The following RGS7 variants were observed in gnomAD, a reference collection of about 807,000 sequenced individuals.
RGS7 encodes the protein regulator of G-protein signaling 7.
In RGS7, 27 loss-of-function variants were observed where a neutral mutation model predicts 81.1. The observed-to-expected ratio is 0.33, with a 90% CI of 0.25 to 0.46. RGS7 has a LOEUF of 0.46. Among genes scored for constraint, RGS7 ranks in the 20% least tolerant of loss-of-function variants. The pLI is 1.00. For synonymous variants in RGS7, 208 were observed against 207.7 expected, an observed-to-expected ratio of 1.00 and a Z score of -0.01; for missense variants, 396 against 607.4, an observed-to-expected ratio of 0.65 and a Z score of 3.66.
At chr1:240,789,805 C>T (rs1454825580) in intron 18 of RGS7, among the ~76,000 whole-genome samples, 1 of 152,180 alleles carries the variant, frequency 6.6e-6, no homozygotes, top group Non-Finnish European at 1.5e-5. Flanking sequence ...CCTGTGATCT[C>T]GCCCTGCCTC....
chr1:240,833,387 AC>A (rs1265533850), intron 9 of RGS7, among the ~76,000 whole-genome samples: 1 of 152,184 alleles, frequency 6.6e-6, no homozygotes, highest in Non-Finnish European at 1.5e-5. Context: ...ATATTTTTGG[AC>A]TGCAGTTGAC....
At chr1:240,889,958 C>T (rs1668016455) in intron 6 of RGS7, among the ~76,000 whole-genome samples, 1 of 152,154 alleles carries the variant, frequency 6.6e-6, no homozygotes. Context: ...ATTTGTCTGA[C>T]CCGTGTACAA....
chr1:240,920,956 T>C (rs1054247551), intron 6 of RGS7, among the ~76,000 whole-genome samples: 1 of 151,826 alleles, frequency 6.6e-6, no homozygotes, highest in Non-Finnish European at 1.5e-5. Context: ...CTTTTTTTTT[T>C]AATGTACTGT....
At chr1:241,041,629 C>T (rs1193308784) in intron 3 of RGS7, among the ~76,000 whole-genome samples, 1 of 152,174 alleles carries the variant, frequency 6.6e-6, no homozygotes, top group African/African-American at 2.4e-5. Flanking sequence ...CCAATCTTCC[C>T]ATGCAGATGT....
rs116244297 is a variant in RGS7, at chr1:241,263,508, C to T, written c.78+92191G>A. Among the ~76,000 whole-genome samples the T allele has an allele frequency of 4.0e-3, 607 of 152,190 alleles. 8 individuals carry two copies. Among genetic ancestry groups the T allele is most frequent in the African/African-American group, 0.014 (579 of 41,510 alleles). ...CTGGAGCTTCTCTGGCTTATTTTGG[C>T]AACAGGTGGACCTGTGTGGAAACCA... On this transcript the variant is annotated intron_variant, in intron 2 of 18. Transcript: ENST00000440928.
intron 2 of RGS7, among the ~76,000 whole-genome samples, chr1:241,139,921 C>G (rs143081957): frequency 6.6e-6 from 1 of 152,330 alleles, no homozygotes; most frequent in African/African-American, 2.4e-5. Flanking sequence ...ATAACCATCA[C>G]CTAGGTGTCA....
intron 4 of RGS7, among the ~76,000 whole-genome samples, chr1:240,944,287 T>TGC (rs1678195110): frequency 2.6e-3 from 29 of 11,368 alleles, no homozygotes; most frequent in South Asian, 6.2e-3. Flanking sequence ...TGTGTGTATA[T>TGC]ATATATATAT....
At chr1:241,306,054 C>T (rs1202447445) in intron 2 of RGS7, among the ~76,000 whole-genome samples, 4 of 151,928 alleles carry the variant, frequency 2.6e-5, no homozygotes, top group African/African-American at 9.7e-5. Flanking sequence ...ATCAGAATAA[C>T]GAGAAGAGAG....
At chr1:240,795,278 G>A (rs1167672039) in intron 18 of RGS7, among the ~76,000 whole-genome samples, 2 of 152,022 alleles carry the variant, frequency 1.3e-5, no homozygotes, top group East Asian at 3.9e-4. Flanking sequence ...TATCCTTCAA[G>A]TTTTCAACAG....
At chr1:240,789,385 A>G (rs1264746040) in intron 18 of RGS7, among the ~76,000 whole-genome samples, 1 of 152,252 alleles carries the variant, frequency 6.6e-6, no homozygotes, top group Non-Finnish European at 1.5e-5. Flanking sequence ...AAAGAACAGG[A>G]TAACAGCAAT....
At chr1:241,329,228 T>C (rs1030577950) in intron 2 of RGS7, among the ~76,000 whole-genome samples, 15 of 152,230 alleles carry the variant, frequency 9.9e-5, no homozygotes, top group Non-Finnish European at 1.8e-4. Flanking sequence ...ATGCCCAAGA[T>C]ACTAGTGAGT....
At chr1:241,078,245 T>C (rs966959176) in intron 3 of RGS7, among the ~76,000 whole-genome samples, 3 of 148,808 alleles carry the variant, frequency 2.0e-5, no homozygotes, top group Non-Finnish European at 3.0e-5. Flanking sequence ...ATAGATAATA[T>C]ACAATATATA....
rs185749731 is a variant in RGS7, at chr1:241,266,987, C to T, written c.78+88712G>A. Among the ~76,000 whole-genome samples, 18 of 152,290 alleles carry T rather than the reference C, an allele frequency of 1.2e-4. No homozygotes were observed. In the East Asian group the frequency reaches 2.3e-3, roughly 20 times the overall value. Reference sequence around the variant, plus strand: ...GTGATTAAGCAAGTAAAGTCTGGGTCTGCCCGAGTTAAAACCAGTGCTTTA... The same window carrying T: ...GTGATTAAGCAAGTAAAGTCTGGGTTTGCCCGAGTTAAAACCAGTGCTTTA... On this transcript the variant is annotated intron_variant, in intron 2 of 18. Transcript: ENST00000440928.
At chr1:241,223,241 A>G (rs1212846382) in intron 2 of RGS7, among the ~76,000 whole-genome samples, 1 of 152,208 alleles carries the variant, frequency 6.6e-6, no homozygotes, top group Non-Finnish European at 1.5e-5. Context: ...GCTGGCAGCT[A>G]TAACAGTCAC....
chr1:240,956,863 A>G (rs1680518305), intron 4 of RGS7, among the ~76,000 whole-genome samples: 2 of 152,038 alleles, frequency 1.3e-5, no homozygotes, highest in Non-Finnish European at 2.9e-5. Context: ...AAAAAAAAAA[A>G]CGTTAAACAA....
chr1:241,330,942 C>A (rs983443966), intron 2 of RGS7, among the ~76,000 whole-genome samples: 5 of 152,220 alleles, frequency 3.3e-5, no homozygotes, highest in Middle Eastern at 3.4e-3. Flanking sequence ...TTTTAAAAAC[C>A]CTGTTTGTAT....
At chr1:241,050,639 A>G (rs1259516135) in intron 3 of RGS7, among the ~76,000 whole-genome samples, 1 of 151,782 alleles carries the variant, frequency 6.6e-6, no homozygotes, top group African/African-American at 2.4e-5. Flanking sequence ...ATTTTCTCCC[A>G]CCTCTGCCAC....
At chr1:240,892,637 C>T (rs1241571450) in intron 6 of RGS7, among the ~76,000 whole-genome samples, 6 of 152,178 alleles carry the variant, frequency 3.9e-5, no homozygotes, top group Non-Finnish European at 8.8e-5. Flanking sequence ...ACAACCTACT[C>T]TTGTACCAAT....
intron 2 of RGS7, among the ~76,000 whole-genome samples, chr1:241,326,696 C>A (rs557745511): frequency 1.5e-4 from 18 of 119,430 alleles, no homozygotes; most frequent in Non-Finnish European, 3.0e-4. Flanking sequence ...GTAGTCCTAG[C>A]ACTTTGGGAG....
Sources: allele counts gnomAD v4.1 joint callset (sites outside exome capture counted in the v4.1 genomes callset), GRCh38; gene constraint gnomAD v4.1.1; transcripts MANE v1.5; gene names NCBI Gene and HGNC (gene_info 2026-07-23, HGNC 2026-07-21).